GNE: variants seen among roughly 807,000 people sequenced by gnomAD.
GNE encodes the protein glucosamine (UDP-N-acetyl)-2-epimerase/N-acetylmannosamine kinase.
In GNE, 41 loss-of-function variants were observed where a neutral mutation model predicts 61.8. That is an observed-to-expected ratio of 0.66 (90% confidence interval 0.52 to 0.86). The LOEUF is 0.86. Among genes scored for constraint, GNE ranks in the 40% least tolerant of loss-of-function variants. The probability of loss-of-function intolerance (pLI) is 0.00; values close to 1 mark genes in which losing one functional copy is unlikely to be tolerated. For missense variants in GNE, 608 were observed against 909.1 expected, an observed-to-expected ratio of 0.67 and a Z score of 4.26; for synonymous variants, 264 against 326.4, an observed-to-expected ratio of 0.81 and a Z score of 2.06.
intron 1 of GNE, among the ~76,000 whole-genome samples, chr9:36,254,938 G>C (rs1421422258): frequency 6.6e-6 from 1 of 152,118 alleles, no homozygotes; most frequent in Non-Finnish European, 1.5e-5. Flanking sequence ...GGCAACAAGA[G>C]TGAGATTCCA....
intron 1 of GNE, 95 bp from the exon 2 acceptor site, chr9:36,249,492 T>G: frequency 2.5e-6 from 2 of 813,192 alleles, no homozygotes; most frequent in East Asian, 5.3e-5. Context: ...AATTTTCAGT[T>G]TCAAGTCCTT....
Position 36,227,470 on chromosome 9 carries a change from A to G in GNE, c.1071-12T>C. The G allele has an allele frequency of 6.6e-7, 1 of 1,522,804 alleles. No homozygotes were observed. The highest frequency in any genetic ancestry group is 9.1e-7 in the Non-Finnish European group (1 of 1,096,970). The allele number at this position is 1,522,804 out of a possible 1,614,324, so 94.3% of individuals were successfully genotyped here. On this transcript the variant is annotated splice_polypyrimidine_tract_variant and intron_variant, in intron 6 of 11. Coordinates refer to ENST00000642385, the MANE Select transcript of GNE (RefSeq NM_005476.7). ...CATATATCTTTGAACTGCAATATAC[A>G]AAAAGTCAATTAAATTATATGCTTC...
chr9:36,242,504 C>T (rs950812466), intron 3 of GNE, among the ~76,000 whole-genome samples: 30 of 152,112 alleles, frequency 2.0e-4, no homozygotes, highest in East Asian at 3.9e-4. Context: ...CTGCAGCCTC[C>T]GCCTCCTGGG....
Position 36,276,282 on chromosome 9 carries a change from A to G in GNE, c.51+612T>C, listed in dbSNP as rs191250084. 6.1e-3 allele frequency among the ~76,000 whole-genome samples: 932 copies of G among 152,320 alleles called. 11 individuals are homozygous for G. Among genetic ancestry groups the G allele is most frequent in the African/African-American group, 0.021 (855 of 41,584 alleles). The stretch of plus-strand genomic sequence containing the variant: ...AATTGAACTGTGATGATGATTTCCT[A>G]AAACATTTGGATTTCCATATGCCTC... On this transcript the variant is annotated intron_variant, in intron 1 of 11. Coordinates refer to the GNE transcript ENST00000396594.
intron 5 of GNE, among the ~76,000 whole-genome samples, chr9:36,232,795 A>C (rs1829230611): frequency 6.6e-6 from 1 of 152,218 alleles, no homozygotes; most frequent in Non-Finnish European, 1.5e-5. Context: ...CTCTCCCACT[A>C]GAATGTAAGT....
rs539297495 is a variant in GNE, at chr9:36,250,744, G to A, written c.-42-1347C>T. On this transcript the variant is annotated intron_variant, in intron 1 of 11. Transcript: ENST00000642385. ...CGCCCAGGTTGGAGTGCAGTGGCAC[G>A]AGCTTGGCTCACTACTACCTCCGCC... is the stretch of plus-strand genomic sequence containing the variant. Among the ~76,000 whole-genome samples, 5 of 152,250 alleles carry A rather than the reference G, an allele frequency of 3.3e-5. 1 individual carries two copies. Among genetic ancestry groups the A allele is most frequent in the African/African-American group, 7.2e-5 (3 of 41,538 alleles).
Position 36,246,251 on chromosome 9 carries a change from G to T in GNE, c.396C>A (p.His132Gln). Reference sequence around the variant, plus strand: ...TCCCACTGACTTCCCCACCTTCAATGTGAAGGATTCGGATGTTCATCAAGG... The same window carrying T: ...TCCCACTGACTTCCCCACCTTCAATTTGAAGGATTCGGATGTTCATCAAGG... ...SAALMNIRIL[H>Q]IEGGEVSGTI... The change falls in exon 3 of 12, where the codon CAC becomes CAA. Residue 132 changes from histidine (H) to glutamine (Q), a missense_variant. His to Gln is a conservative substitution (Grantham distance 24). Transcript: ENST00000642385. 1 of 1,613,822 alleles carries T rather than the reference G, an allele frequency of 6.2e-7. No homozygotes were observed. Among genetic ancestry groups the T allele is most frequent in the Non-Finnish European group, 8.5e-7 (1 of 1,179,682 alleles).
In GNE at chr9:36,270,956, C is replaced by T. The variant is rs1193530020; in HGVS notation, c.51+5938G>A. 2.6e-5 allele frequency among the ~76,000 whole-genome samples: 4 copies of T among 152,338 alleles called. No homozygotes were observed. In the East Asian group the frequency reaches 5.8e-4, roughly 22 times the overall value. ...TATTTCTTCTTGTCCTTCCTGCCTG[C>T]ATTCCCTCGCTCCTTTCATCTATCT... is the stretch of plus-strand genomic sequence containing the variant. On this transcript the variant is annotated intron_variant, in intron 1 of 11. Coordinates refer to the GNE transcript ENST00000396594.
intron 1 of GNE, among the ~76,000 whole-genome samples, chr9:36,253,293 T>TA (rs929144060): frequency 1.3e-5 from 2 of 148,176 alleles, no homozygotes; most frequent in Non-Finnish European, 3.0e-5. Context: ...TTTTTTTTTT[T>TA]AAAATACAGT....
intron 7 of GNE, among the ~76,000 whole-genome samples, chr9:36,225,964 TG>T (rs1324784043): frequency 1.3e-5 from 2 of 152,180 alleles, no homozygotes; most frequent in Non-Finnish European, 2.9e-5. Context: ...TAATGTTTTT[TG>T]TTTTACCCTA....
At chr9:36,240,448 C>A (rs4879962) in intron 3 of GNE, among the ~76,000 whole-genome samples, 3 of 152,182 alleles carry the variant, frequency 2.0e-5, no homozygotes, top group African/African-American at 7.2e-5. Flanking sequence ...TTTATGTGGT[C>A]CATCACATTT....
At position 36,218,391 on chromosome 9, in the gene GNE, G is replaced by T; in HGVS notation, c.1817-92C>A. 2 of 858,386 alleles carry T rather than the reference G, an allele frequency of 2.3e-6. No individual in the cohort carries two copies. The highest frequency in any genetic ancestry group is 4.0e-6 in the Non-Finnish European group (2 of 501,462). The allele number at this position is 858,386 out of a possible 1,614,324, so 53.2% of individuals were successfully genotyped here. Reference sequence around the variant, plus strand: ...CTGTGGAAAGCAAGCCCCTACATGGGAAGACGGTGTTTTCTTTTCACAATT... The same window carrying T: ...CTGTGGAAAGCAAGCCCCTACATGGTAAGACGGTGTTTTCTTTTCACAATT... On this transcript the variant is annotated intron_variant, in intron 10 of 11. Transcript: ENST00000642385. The surrounding 1 kb of genome is among the most constrained non-coding windows in gnomAD (Gnocchi z 4.1).
chr9:36,224,157 G>T (rs1170740384), intron 7 of GNE, among the ~76,000 whole-genome samples: 1 of 152,102 alleles, frequency 6.6e-6, no homozygotes, highest in African/African-American at 2.4e-5. Flanking sequence ...TGCTTACTGA[G>T]GTGACCGGGC....
Position 36,240,775 on chromosome 9 carries a change from T to C in GNE, c.617-3791A>G, listed in dbSNP as rs186100595. Among the ~76,000 whole-genome samples, 7 of 152,338 alleles carry C rather than the reference T, an allele frequency of 4.6e-5. No homozygotes were observed. The East Asian group carries it at 1.2e-3, about 25-fold the overall frequency. ...GGTAGAATTCTGCTGTGAATCCATC[T>C]GGTCATGGAATTTTTTTTGTTGGTA... On this transcript the variant is annotated intron_variant, in intron 3 of 11. Coordinates refer to ENST00000642385, the MANE Select transcript of GNE (RefSeq NM_005476.7).
At chr9:36,238,931 T>C (rs1376342740) in intron 3 of GNE, among the ~76,000 whole-genome samples, 34 of 152,162 alleles carry the variant, frequency 2.2e-4, no homozygotes. Context: ...GAGGATCCAG[T>C]TTCATTCTCC....
chr9:36,248,439 C>T (rs1322307544), intron 2 of GNE, among the ~76,000 whole-genome samples: 5 of 151,756 alleles, frequency 3.3e-5, no homozygotes, highest in African/African-American at 9.7e-5. Context: ...CTCAGCCTCC[C>T]GAGTAGCTAG....
intron 9 of GNE, 129 bp downstream of exon 9, chr9:36,222,648 G>T: frequency 1.3e-6 from 1 of 792,074 alleles, no homozygotes; most frequent in Non-Finnish European, 2.3e-6. Flanking sequence ...GGCCACATGT[G>T]GCTCACCTTC....
chr9:36,254,761 G>A (rs1459576664), intron 1 of GNE, among the ~76,000 whole-genome samples: 1 of 152,090 alleles, frequency 6.6e-6, no homozygotes, highest in East Asian at 1.9e-4. Flanking sequence ...AGACCTGCCT[G>A]GCTAACATGG....
intron 1 of GNE, among the ~76,000 whole-genome samples, chr9:36,255,314 TCTC>T (rs1390154141): frequency 6.6e-6 from 1 of 151,934 alleles, no homozygotes; most frequent in Non-Finnish European, 1.5e-5. Flanking sequence ...TTCAATCAAT[TCTC>T]CTGCCTCAGC....
Sources: allele counts gnomAD v4.1 joint callset (sites outside exome capture counted in the v4.1 genomes callset), GRCh38; gene constraint gnomAD v4.1.1; non-coding constraint Gnocchi (gnomAD v3.1); transcripts MANE v1.5; gene names NCBI Gene and HGNC (gene_info 2026-07-23, HGNC 2026-07-21).